The following GPHN variants were observed in gnomAD, a reference collection of about 807,000 sequenced individuals.
GPHN encodes the protein gephyrin.
In GPHN, 17 loss-of-function variants were observed where a neutral mutation model predicts 95.5. The observed-to-expected ratio is 0.18, with a 90% CI of 0.12 to 0.27. The LOEUF (loss-of-function observed/expected upper bound fraction) is 0.27. Ranked by LOEUF, GPHN falls within the 10% of genes least tolerant of loss-of-function variation. The pLI is 1.00. For missense variants in GPHN, 660 were observed against 978.1 expected (o/e 0.67, Z 4.34); for synonymous variants, 320 against 322.5 (o/e 0.99, Z 0.08).
chr14:66,991,826 C>T lies in GPHN; in HGVS notation c.963+26501C>T, dbSNP rs1269585556. 7.5e-5 allele frequency among the ~76,000 whole-genome samples: 11 copies of T among 147,078 alleles called. No homozygotes were observed. In the South Asian group the frequency reaches 8.6e-4, roughly 11 times the overall value. On this transcript the variant is annotated intron_variant, in intron 9 of 22. Transcript: ENST00000478722. ...AGTGGAGGTTGCAGTGAGCCAGGAT[C>T]GCTCTGCTGCACTCCAGCCTGGGCA...
intron 8 of GPHN, among the ~76,000 whole-genome samples, chr14:66,959,808 A>C (rs892754054): frequency 2.0e-5 from 3 of 151,998 alleles, no homozygotes; most frequent in African/African-American, 7.2e-5. Flanking sequence ...TGTTTCCTCA[A>C]ATAATCTCTT....
chr14:67,619,896 G>A, the GPHN span: 1 of 968,974 alleles, frequency 1.0e-6, no homozygotes, highest in Non-Finnish European at 1.5e-6. Flanking sequence ...GGGTAGGTAA[G>A]AGCAGCGGCG....
downstream of GPHN, among the ~76,000 whole-genome samples, chr14:67,183,550 T>TTTATTA (rs1445123272): frequency 2.0e-5 from 3 of 152,026 alleles, no homozygotes; most frequent in African/African-American, 7.2e-5. Flanking sequence ...TCTATATTCT[T>TTTATTA]TTATTATTTT....
the GPHN span, among the ~76,000 whole-genome samples, chr14:67,712,561 G>C: frequency 6.7e-6 from 1 of 148,200 alleles, no homozygotes; most frequent in African/African-American, 2.5e-5. Context: ...AAACATGAAG[G>C]CCTTTTAAAT....
chr14:67,639,521 TG>T, the GPHN span, among the ~76,000 whole-genome samples: 1 of 152,194 alleles, frequency 6.6e-6, no homozygotes, highest in African/African-American at 2.4e-5. Flanking sequence ...AGGCATACCC[TG>T]GTGTCTTACA....
the GPHN span, among the ~76,000 whole-genome samples, chr14:67,700,464 C>G: frequency 0.037 from 5,577 of 152,054 alleles, 300 homozygotes; most frequent in African/African-American, 0.12. Flanking sequence ...GCCTGTAATC[C>G]CAGCACTTTG....
At chr14:67,432,280 T>G in the GPHN span, among the ~76,000 whole-genome samples, 1 of 152,242 alleles carries the variant, frequency 6.6e-6, no homozygotes, top group African/African-American at 2.4e-5. Context: ...ATCTAAAGAA[T>G]GGCAGGACCA....
chr14:67,309,691 C>G, the GPHN span, among the ~76,000 whole-genome samples: 1 of 152,164 alleles, frequency 6.6e-6, no homozygotes, highest in Non-Finnish European at 1.5e-5. Context: ...CTTAATTTCT[C>G]TCAGGGTAGT....
chr14:67,291,796 G>T, the GPHN span, among the ~76,000 whole-genome samples: 1 of 152,214 alleles, frequency 6.6e-6, no homozygotes, highest in South Asian at 2.1e-4. Context: ...TCAAATAAAT[G>T]GAAGATTTTT....
chr14:66,894,184 A>T (rs2064693606), intron 5 of GPHN, among the ~76,000 whole-genome samples: 1 of 152,182 alleles, frequency 6.6e-6, no homozygotes, highest in Admixed American at 6.5e-5. Context: ...CTGGAACAGA[A>T]CACAGCCCTC....
intron 18 of GPHN, among the ~76,000 whole-genome samples, chr14:67,152,460 T>G (rs1236597436): frequency 7.4e-6 from 1 of 135,740 alleles, no homozygotes; most frequent in Non-Finnish European, 1.5e-5. Context: ...AAGACTTTAT[T>G]TAACTCAACA....
the GPHN span, chr14:67,576,479 CTG>C: frequency 6.3e-7 from 1 of 1,592,374 alleles, no homozygotes; most frequent in Non-Finnish European, 8.6e-7. This position sits in a 1 kb window ranked among gnomAD's most constrained non-coding sequence, Gnocchi z 4.0. Flanking sequence ...CATTGGAAAA[CTG>C]ATGGATGGTG....
intron 1 of GPHN, among the ~76,000 whole-genome samples, chr14:66,543,918 A>G (rs2059440862): frequency 6.6e-6 from 1 of 152,120 alleles, no homozygotes; most frequent in South Asian, 2.1e-4. Flanking sequence ...AGCCTGAGTG[A>G]TCCCTTCAAA....
chr14:66,884,744 A>T (rs1207731310), intron 5 of GPHN, among the ~76,000 whole-genome samples: 1 of 151,632 alleles, frequency 6.6e-6, no homozygotes, highest in Non-Finnish European at 1.5e-5. Context: ...GGGATATTAC[A>T]TAGCTGATAG....
chr14:66,616,377 GACCCATGGATGGGTCAGC>G (rs964056781), intron 1 of GPHN, among the ~76,000 whole-genome samples: 2 of 150,344 alleles, frequency 1.3e-5, no homozygotes, highest in Non-Finnish European at 2.9e-5. Flanking sequence ...TGAGGCTGCT[GACCCATGGATGGGTCAGC>G]TGTTGTTGTT....
At chr14:66,847,130 A>G (rs936852600) in intron 4 of GPHN, among the ~76,000 whole-genome samples, 1 of 152,074 alleles carries the variant, frequency 6.6e-6, no homozygotes, top group Non-Finnish European at 1.5e-5. Flanking sequence ...TTACTAACAC[A>G]TTTTTCCTTC....
the GPHN span, chr14:67,733,997 T>G: frequency 3.2e-6 from 2 of 626,248 alleles, no homozygotes; most frequent in Non-Finnish European, 5.9e-6. Flanking sequence ...TCTGGGAATG[T>G]TTGCACACCT....
At chr14:67,105,794 A>G (rs1269490286) in intron 13 of GPHN, among the ~76,000 whole-genome samples, 2 of 152,016 alleles carry the variant, frequency 1.3e-5, no homozygotes, top group African/African-American at 2.4e-5. Context: ...GCTTGTCTGT[A>G]TCTTTTAACT....
intron 1 of GPHN, among the ~76,000 whole-genome samples, chr14:66,530,118 C>G (rs535066647): frequency 1.1e-4 from 17 of 152,272 alleles, no homozygotes; most frequent in African/African-American, 4.1e-4. Flanking sequence ...GACTGGGGCT[C>G]CCACCTTTTT....
Sources: allele counts gnomAD v4.1 joint callset (sites outside exome capture counted in the v4.1 genomes callset), GRCh38; gene constraint gnomAD v4.1.1; non-coding constraint Gnocchi (gnomAD v3.1); transcripts MANE v1.5; gene names NCBI Gene and HGNC (gene_info 2026-07-23, HGNC 2026-07-21).